Variants in TMEM247 observed in about 807,000 individuals in gnomAD.
TMEM247 encodes transmembrane protein 247.
TMEM247 carries 23 observed loss-of-function variants against 20.7 expected under a neutral mutation model. The observed-to-expected ratio is 1.11, with a 90% confidence interval of 0.80 to 1.57. TMEM247 has a LOEUF of 1.57. Ranked by LOEUF, TMEM247 falls within the 40% of genes most tolerant of loss-of-function variation. The probability of loss-of-function intolerance (pLI) is 0.00; values close to 1 mark genes in which losing one functional copy is unlikely to be tolerated. For missense variants in TMEM247, 354 were observed against 283.8 expected (o/e 1.25, Z -1.78); for synonymous variants, 106 against 111.9 (o/e 0.95, Z 0.33).
chr2:46,480,788 T>C (rs986785089), intron 2 of TMEM247, 24 bp downstream of exon 2: 43 of 1,274,742 alleles, frequency 3.4e-5, no homozygotes, highest in African/African-American at 8.4e-5. Context: ...AACGGGGCAC[T>C]GGGAGGAGGG....
exon 1 of TMEM247, chr2:46,479,684 G>A: frequency 1.3e-6 from 2 of 1,551,560 alleles, no homozygotes; most frequent in Non-Finnish European, 1.7e-6. Context: ...AGTCTGAAGG[G>A]AAGCCAAGGG....
chr2:46,482,504 G>C (rs536590190), intron 2 of TMEM247, among the ~76,000 whole-genome samples: 5 of 152,178 alleles, frequency 3.3e-5, no homozygotes, highest in Non-Finnish European at 5.9e-5. Context: ...CTCCTTGCTG[G>C]ATGAGATGGA....
exon 1 of TMEM247, chr2:46,479,604 G>C: frequency 6.4e-7 from 1 of 1,551,716 alleles, no homozygotes; most frequent in Non-Finnish European, 8.7e-7. Flanking sequence ...AGAGGACAGG[G>C]AGATGATGGA....
exon 3 of TMEM247, chr2:46,484,297 C>G: frequency 6.4e-7 from 1 of 1,552,246 alleles, no homozygotes; most frequent in Non-Finnish European, 8.7e-7. Flanking sequence ...TTGCCATGTT[C>G]CTGTACTGCT....
At chr2:46,480,976 G>T (rs530929507) in intron 2 of TMEM247, among the ~76,000 whole-genome samples, 1 of 152,262 alleles carries the variant, frequency 6.6e-6, no homozygotes, top group East Asian at 1.9e-4. Flanking sequence ...CTGCCTTAAA[G>T]CTCGCTACCC....
chr2:46,482,674 C>T (rs971565669), intron 2 of TMEM247, among the ~76,000 whole-genome samples: 1 of 152,206 alleles, frequency 6.6e-6, no homozygotes, highest in African/African-American at 2.4e-5. Flanking sequence ...CACGTGCAGA[C>T]TGCAGACAGG....
intron 1 of TMEM247, 46 bp from the exon 2 acceptor site, chr2:46,480,359 T>C: frequency 6.7e-7 from 1 of 1,489,718 alleles, no homozygotes; most frequent in Non-Finnish European, 8.9e-7. Flanking sequence ...GGCAGCCCCA[T>C]CCTGACTCTT....
chr2:46,481,424 A>T (rs959363961), intron 2 of TMEM247, among the ~76,000 whole-genome samples: 10 of 152,260 alleles, frequency 6.6e-5, no homozygotes, highest in African/African-American at 2.4e-4. Context: ...CTAGGCTATC[A>T]TAAGCATTCA....
chr2:46,480,331 G>A (rs1449641318), intron 1 of TMEM247, 74 bp from the exon 2 acceptor site: 2 of 1,428,790 alleles, frequency 1.4e-6, no homozygotes, highest in South Asian at 1.5e-5. Flanking sequence ...GGGGCTGCGG[G>A]AGTTCCATGG....
At chr2:46,482,997 C>T (rs865813492) in intron 2 of TMEM247, among the ~76,000 whole-genome samples, 59 of 152,280 alleles carry the variant, frequency 3.9e-4, no homozygotes, top group African/African-American at 1.3e-3. Flanking sequence ...ACCTTCCTCT[C>T]TTCTCTTTTT....
chr2:46,479,721 C>G lies in TMEM247; in HGVS notation c.117+19C>G. On this transcript the variant is annotated intron_variant, in intron 1 of 2. Transcript: ENST00000434431. ...TTATCTGGTAAGGGGGCTGCTGTGT[C>G]TCACCACCCCCGCCTATTCCGTCAG... 6.7e-7 allele frequency: 1 copy of G among 1,496,790 alleles called. No individual in the cohort carries two copies. The highest frequency in any genetic ancestry group is 9.1e-7 in the Non-Finnish European group (1 of 1,097,004). 92.7% of individuals were successfully genotyped at this position (1,496,790 alleles called of 1,614,324 possible).
exon 1 of TMEM247, chr2:46,479,660 G>C: frequency 6.4e-7 from 1 of 1,551,774 alleles, no homozygotes; most frequent in Non-Finnish European, 8.7e-7. Flanking sequence ...CCAAGATGGT[G>C]CCTGGTGACT....
Position 46,480,781 on chromosome 2 carries a change from G to T in TMEM247, c.477+17G>T. On this transcript the variant is annotated intron_variant, in intron 2 of 2. Coordinates refer to ENST00000434431, the Ensembl canonical transcript of TMEM247. Reference sequence around the variant, plus strand: ...CCCCGCCTGGTGGGTGACAAGGAACGGGGCACTGGGAGGAGGGAGGCCTGG... The same window carrying T: ...CCCCGCCTGGTGGGTGACAAGGAACTGGGCACTGGGAGGAGGGAGGCCTGG... 8.0e-7 allele frequency: 1 copy of T among 1,244,854 alleles called. No homozygotes were observed. The highest frequency in any genetic ancestry group is 1.0e-6 in the Non-Finnish European group (1 of 973,354). 77.1% of individuals were successfully genotyped at this position (1,244,854 alleles called of 1,614,324 possible). A position where few individuals can be genotyped will look rare whatever the true frequency, so the allele number is the denominator to read the frequency against.
chr2:46,483,623 C>T (rs1686932133), intron 2 of TMEM247, among the ~76,000 whole-genome samples: 1 of 152,164 alleles, frequency 6.6e-6, no homozygotes, highest in South Asian at 2.1e-4. Flanking sequence ...TGTGTGGCTC[C>T]AATGGGCCGT....
exon 1 of TMEM247, chr2:46,479,594 A>G: frequency 6.4e-7 from 1 of 1,551,690 alleles, no homozygotes; most frequent in Non-Finnish European, 8.7e-7. Context: ...GGATGGCAGC[A>G]GAGGACAGGG....
At chr2:46,482,977 T>C (rs148871064) in intron 2 of TMEM247, among the ~76,000 whole-genome samples, 1 of 152,222 alleles carries the variant, frequency 6.6e-6, no homozygotes, top group Non-Finnish European at 1.5e-5. Flanking sequence ...GGGAGTTGAC[T>C]TGATGTTGTA....
At chr2:46,482,466 T>G (rs1686907320) in intron 2 of TMEM247, among the ~76,000 whole-genome samples, 1 of 152,248 alleles carries the variant, frequency 6.6e-6, no homozygotes, top group African/African-American at 2.4e-5. Context: ...CATATTTATT[T>G]TACCCCCTTT....
chr2:46,481,974 A>C (rs1306168326), intron 2 of TMEM247, among the ~76,000 whole-genome samples: 1 of 152,198 alleles, frequency 6.6e-6, no homozygotes, highest in African/African-American at 2.4e-5. Flanking sequence ...CACCTTATCC[A>C]AAAAACGGAG....
At chr2:46,479,644 C>A in exon 1 of TMEM247, 1 of 1,551,734 alleles carries the variant, frequency 6.4e-7, no homozygotes, top group Non-Finnish European at 8.7e-7. Context: ...AGTTGCCCGA[C>A]CTTCCCCAAG....
Sources: allele counts gnomAD v4.1 joint callset (sites outside exome capture counted in the v4.1 genomes callset), GRCh38; gene constraint gnomAD v4.1.1; transcripts MANE v1.5; gene names NCBI Gene and HGNC (gene_info 2026-07-23, HGNC 2026-07-21).